RAP1GDS1: variants seen among roughly 807,000 people sequenced by gnomAD.
The protein encoded by RAP1GDS1 is RAP1, GTP-GDP dissociation stimulator 1.
A neutral mutation model predicts 71.1 loss-of-function variants in RAP1GDS1; 35 were observed. The ratio of observed to expected loss-of-function variants is 0.49; its 90% CI spans 0.38 to 0.65. The LOEUF (loss-of-function observed/expected upper bound fraction) is 0.65, where lower values mean the gene tolerates loss of function less well. Among genes scored for constraint, RAP1GDS1 ranks in the 30% least tolerant of loss-of-function variants. RAP1GDS1 has a pLI of 0.00. For synonymous variants in RAP1GDS1, 229 were observed against 243.1 expected, an observed-to-expected ratio of 0.94 and a Z score of 0.54; for missense variants, 663 against 706.1, an observed-to-expected ratio of 0.94 and a Z score of 0.69.
chr4:98,296,962 A>T (rs1246802444), intron 2 of RAP1GDS1: 1 of 332,574 alleles, frequency 3.0e-6, no homozygotes, highest in Non-Finnish European at 5.9e-6. Context: ...AAAGTGTGCC[A>T]TACAGCTTTA....
chr4:98,434,073 CA>C lies in RAP1GDS1; in HGVS notation c.1567+12del. On this transcript the variant is annotated intron_variant, in intron 13 of 14. Transcript: ENST00000408927. ...CAGCTTTAGAATTGGGTAAGTACCCCAGTGACAAACTTATTTTCTTCTATTT... is the reference window on the plus strand; with the variant it reads ...CAGCTTTAGAATTGGGTAAGTACCCCGTGACAAACTTATTTTCTTCTATTT... 1 of 1,610,256 alleles carries C rather than the reference CA, an allele frequency of 6.2e-7. No individual in the cohort carries two copies. Among genetic ancestry groups the C allele is most frequent in the Non-Finnish European group, 8.5e-7 (1 of 1,177,160 alleles).
chr4:98,395,149 T>A (rs1438948391), intron 6 of RAP1GDS1, among the ~76,000 whole-genome samples: 1 of 152,154 alleles, frequency 6.6e-6, no homozygotes, highest in African/African-American at 2.4e-5. Flanking sequence ...AAAGAGAACT[T>A]GAATTCTGAC....
At chr4:98,379,667 C>T (rs1741693949) in intron 5 of RAP1GDS1, among the ~76,000 whole-genome samples, 1 of 151,830 alleles carries the variant, frequency 6.6e-6, no homozygotes, top group African/African-American at 2.4e-5. Context: ...ACAGCAGTTT[C>T]TTTTCTCTGT....
chr4:98,337,608 C>G (rs1352253284), intron 2 of RAP1GDS1, among the ~76,000 whole-genome samples: 1 of 151,972 alleles, frequency 6.6e-6, no homozygotes, highest in Non-Finnish European at 1.5e-5. Context: ...TACAAATGCT[C>G]TTAATAAAAA....
chr4:98,348,758 A>G (rs1736696291), intron 3 of RAP1GDS1, among the ~76,000 whole-genome samples: 1 of 152,068 alleles, frequency 6.6e-6, no homozygotes, highest in Non-Finnish European at 1.5e-5. Context: ...GGCTGCATAA[A>G]TGTTTTCTTT....
At chr4:98,375,219 T>C (rs907796214) in intron 4 of RAP1GDS1, among the ~76,000 whole-genome samples, 1 of 152,148 alleles carries the variant, frequency 6.6e-6, no homozygotes, top group Non-Finnish European at 1.5e-5. Context: ...CTTTGGCTTA[T>C]GGTAGCATAA....
chr4:98,304,784 A>G (rs1197415062), intron 2 of RAP1GDS1, among the ~76,000 whole-genome samples: 1 of 152,064 alleles, frequency 6.6e-6, no homozygotes, highest in African/African-American at 2.4e-5. Context: ...TATGTTCTGA[A>G]TGATGTTGCG....
intron 4 of RAP1GDS1, among the ~76,000 whole-genome samples, chr4:98,374,829 C>T (rs993902084): frequency 1.3e-5 from 2 of 152,050 alleles, no homozygotes; most frequent in Admixed American, 6.6e-5. Context: ...GACCCGTTCC[C>T]GCACAGCTGT....
intron 2 of RAP1GDS1, among the ~76,000 whole-genome samples, chr4:98,315,923 T>G (rs1179579598): frequency 6.6e-6 from 1 of 152,020 alleles, no homozygotes; most frequent in Non-Finnish European, 1.5e-5. Context: ...TAGGGAATAA[T>G]AAATCTTTAG....
intron 1 of RAP1GDS1, among the ~76,000 whole-genome samples, chr4:98,272,452 A>G (rs141507583): frequency 6.6e-6 from 1 of 152,260 alleles, no homozygotes; most frequent in East Asian, 1.9e-4. Flanking sequence ...TCAAGTGAAT[A>G]TGGCAGGTGA....
At chr4:98,314,229 A>T (rs28558542) in intron 2 of RAP1GDS1, among the ~76,000 whole-genome samples, 6,665 of 152,260 alleles carry the variant, frequency 0.044, 351 homozygotes, top group African/African-American at 0.13. Context: ...ATTTTTGCAT[A>T]CATTTGCTTA....
intron 1 of RAP1GDS1, among the ~76,000 whole-genome samples, chr4:98,273,688 A>G (rs1189586990): frequency 2.0e-5 from 3 of 152,178 alleles, no homozygotes; most frequent in Admixed American, 6.5e-5. Flanking sequence ...TGCCAATTGT[A>G]TATGATCTTA....
chr4:98,286,782 A>T (rs1215661183), intron 1 of RAP1GDS1, among the ~76,000 whole-genome samples: 1 of 148,732 alleles, frequency 6.7e-6, no homozygotes, highest in African/African-American at 2.5e-5. Context: ...GCTGTTTGGG[A>T]GGCTGAGGCA....
At chr4:98,282,184 G>A (rs1725215114) in intron 1 of RAP1GDS1, among the ~76,000 whole-genome samples, 1 of 152,168 alleles carries the variant, frequency 6.6e-6, no homozygotes. Flanking sequence ...AGAAGGAATG[G>A]TACCAGCTCC....
chr4:98,261,444 G>GT lies in RAP1GDS1; in HGVS notation c.-122_-121insT, dbSNP rs1052923809. On this transcript the variant is annotated 5_prime_UTR_variant, in exon 1 of 15. Transcript: ENST00000408927. ...CACCAGCTGCTCCTCCCCGGCGGCC[G>GT]CCCCCCGCGGGTCCCTCCCTGGCTG... The GT allele has an allele frequency of 5.0e-6, 5 of 998,802 alleles. No individual in the cohort carries two copies. In the African/African-American group the frequency reaches 8.6e-5, roughly 17 times the overall value. The allele number at this position is 998,802 out of a possible 1,614,324, so 61.9% of individuals were successfully genotyped here.
chr4:98,438,524 TC>T (rs953207310), intron 14 of RAP1GDS1, among the ~76,000 whole-genome samples: 1 of 148,652 alleles, frequency 6.7e-6, no homozygotes, highest in Non-Finnish European at 1.5e-5. Flanking sequence ...ATTTCTGACT[TC>T]CTATGGGTTA....
intron 2 of RAP1GDS1, among the ~76,000 whole-genome samples, chr4:98,306,507 T>C (rs1297615396): frequency 6.6e-6 from 1 of 152,190 alleles, no homozygotes; most frequent in African/African-American, 2.4e-5. Context: ...TACATGACTT[T>C]TGGGTGGGAC....
In RAP1GDS1 at chr4:98,379,068, AC is replaced by A. The variant is rs1306495721; in HGVS notation, c.415del (p.His139IlefsTer2). ...DQAGGAQIVI[D>X]HLRSLCSITD... ...GCAGGTGGTGCACAGATTGTAATTG[AC>A]CATTTAAGGTCACTGTGCAGTATAA... On this transcript the variant is annotated frameshift_variant, in exon 5 of 15. Transcript: ENST00000408927. LOFTEE classifies it high-confidence loss of function. 1.2e-6 allele frequency: 2 copies of A among 1,609,186 alleles called. No individual in the cohort carries two copies. The highest frequency in any genetic ancestry group is 2.2e-5 in the South Asian group (2 of 90,322).
intron 12 of RAP1GDS1, among the ~76,000 whole-genome samples, chr4:98,428,996 C>T (rs1206433143): frequency 1.3e-5 from 2 of 152,154 alleles, no homozygotes; most frequent in East Asian, 1.9e-4. Flanking sequence ...TGGTGGCTCA[C>T]GCCTGTAATC....
Sources: gnomAD v4.1 joint callset for allele counts (sites outside exome capture counted in the v4.1 genomes callset) on GRCh38, gnomAD v4.1.1 for gene constraint, MANE v1.5 for transcripts, NCBI Gene and HGNC (gene_info 2026-07-23, HGNC 2026-07-21) for gene names.